RERE: variants seen among roughly 807,000 people sequenced by gnomAD.
RERE encodes the protein arginine-glutamic acid dipeptide repeats.
RERE carries 40 observed loss-of-function variants against 146.1 expected under a neutral mutation model. The observed-to-expected ratio is 0.27, with a 90% CI of 0.21 to 0.36. The LOEUF is 0.36. Among genes scored for constraint, RERE ranks in the 10% least tolerant of loss-of-function variants. RERE has a pLI of 1.00. For synonymous variants in RERE, 1,003 were observed against 866.0 expected, an observed-to-expected ratio of 1.16 and a Z score of -2.78; for missense variants, 1,933 against 2,138.7, an observed-to-expected ratio of 0.90 and a Z score of 1.90.
intron 1 of RERE, among the ~76,000 whole-genome samples, chr1:8,751,777 T>A (rs1375221142): frequency 1.3e-4 from 18 of 141,454 alleles, no homozygotes; most frequent in African/African-American, 3.6e-4. Context: ...CCTTTCACTT[T>A]AAAAAAAAAA....
At chr1:8,663,184 T>C (rs1638494327) in intron 1 of RERE, among the ~76,000 whole-genome samples, 1 of 152,038 alleles carries the variant, frequency 6.6e-6, no homozygotes. Context: ...TAAAAATATT[T>C]CCTCTTGGGT....
At chr1:8,549,324 T>C (rs898730473) in intron 6 of RERE, among the ~76,000 whole-genome samples, 7 of 152,144 alleles carry the variant, frequency 4.6e-5, no homozygotes, top group Admixed American at 3.9e-4. Context: ...AGTTTGCTGA[T>C]AAAGTGCAGG....
At chr1:8,623,794 A>G (rs535191954) in intron 3 of RERE, among the ~76,000 whole-genome samples, 1 of 152,226 alleles carries the variant, frequency 6.6e-6, no homozygotes, top group African/African-American at 2.4e-5. Context: ...AACTGGAAAG[A>G]AAGTATAACA....
chr1:8,694,684 G>A (rs1016161340), intron 1 of RERE, among the ~76,000 whole-genome samples: 2 of 151,888 alleles, frequency 1.3e-5, no homozygotes, highest in South Asian at 2.1e-4. Flanking sequence ...ATTTAAACCC[G>A]GGAGGCAGAG....
intron 4 of RERE, among the ~76,000 whole-genome samples, chr1:8,595,686 G>C (rs1470591391): frequency 2.0e-5 from 3 of 152,038 alleles, no homozygotes; most frequent in Non-Finnish European, 4.4e-5. Context: ...AATCCTTAAA[G>C]ATCATTAGTA....
chr1:8,546,572 G>T (rs892117180), intron 6 of RERE, among the ~76,000 whole-genome samples: 55 of 152,110 alleles, frequency 3.6e-4, no homozygotes, highest in African/African-American at 1.2e-3. Flanking sequence ...TGTAGGCCAG[G>T]TGTGGTGGCT....
At chr1:8,501,535 G>A (rs1161744839) in intron 8 of RERE, among the ~76,000 whole-genome samples, 3 of 115,322 alleles carry the variant, frequency 2.6e-5, no homozygotes, top group East Asian at 2.8e-4. Flanking sequence ...TCCGGGAGGT[G>A]AGGGGCGCCT....
chr1:8,620,829 T>C (rs1646907713), intron 3 of RERE, among the ~76,000 whole-genome samples: 1 of 151,892 alleles, frequency 6.6e-6, no homozygotes, highest in African/African-American at 2.4e-5. Context: ...ATAAATACTT[T>C]GGTCAGCGCA....
chr1:8,498,231 C>A (rs765692485), intron 8 of RERE, among the ~76,000 whole-genome samples: 1 of 151,692 alleles, frequency 6.6e-6, no homozygotes, highest in African/African-American at 2.4e-5. Context: ...CGGTGGCGGG[C>A]GCCTATAATT....
chr1:8,703,705 T>C (rs760743475), intron 1 of RERE, among the ~76,000 whole-genome samples: 2 of 152,212 alleles, frequency 1.3e-5, no homozygotes, highest in Non-Finnish European at 2.9e-5. Context: ...CGCATCCCTG[T>C]GAGTGATCAG....
chr1:8,545,192 C>T (rs554652590), intron 6 of RERE, among the ~76,000 whole-genome samples: 8 of 152,302 alleles, frequency 5.3e-5, no homozygotes, highest in African/African-American at 1.9e-4. Flanking sequence ...CTTGTATACT[C>T]TGTATCTAAA....
At chr1:8,803,446 G>A (rs1354566976) in intron 1 of RERE, among the ~76,000 whole-genome samples, 1 of 151,994 alleles carries the variant, frequency 6.6e-6, no homozygotes, top group East Asian at 1.9e-4. Context: ...CTCCAGCCTG[G>A]GGACAGAGTG....
At chr1:8,431,070 T>TA (rs969347388) in intron 11 of RERE, among the ~76,000 whole-genome samples, 1 of 152,186 alleles carries the variant, frequency 6.6e-6, no homozygotes, top group African/African-American at 2.4e-5. Flanking sequence ...TTATTACCCT[T>TA]ACGTTACTAC....
At chr1:8,424,314 G>C (rs1196453219) in intron 11 of RERE, 1 of 152,310 alleles carries the variant, frequency 6.6e-6, no homozygotes, top group African/African-American at 2.4e-5. Flanking sequence ...CTGCCCACCG[G>C]GCAGAGGGTC....
intron 1 of RERE, among the ~76,000 whole-genome samples, chr1:8,697,039 G>C (rs1639347362): frequency 6.6e-6 from 1 of 151,842 alleles, no homozygotes. Flanking sequence ...ACACACTTAA[G>C]AGTAAATACT....
At chr1:8,534,816 C>G (rs954810942) in intron 7 of RERE, among the ~76,000 whole-genome samples, 2 of 152,216 alleles carry the variant, frequency 1.3e-5, no homozygotes, top group African/African-American at 4.8e-5. Context: ...CGTCCAGCAA[C>G]TGGTCAAAGT....
chr1:8,363,328 G>A (rs771473072), intron 15 of RERE, among the ~76,000 whole-genome samples: 3 of 152,336 alleles, frequency 2.0e-5, no homozygotes, highest in Non-Finnish European at 1.5e-5. Flanking sequence ...TCCCCAAGCC[G>A]CCAAGCGCTT....
Position 8,364,887 on chromosome 1 carries a change from C to T in RERE, c.1448-49G>A, listed in dbSNP as rs1302084812. 1 of 1,116,084 alleles carries T rather than the reference C, an allele frequency of 9.0e-7. No individual in the cohort carries two copies. The highest frequency in any genetic ancestry group is 1.9e-5 in the Admixed American group (1 of 53,190). The allele number at this position is 1,116,084 out of a possible 1,614,324, so 69.1% of individuals were successfully genotyped here. A position where few individuals can be genotyped will look rare whatever the true frequency, so the allele number is the denominator to read the frequency against. ...GGGGTGGGGGAGACACCATCATGCT[C>T]AGCCAAGGCTGGGCCGGTGGGGTGG... is the stretch of plus-strand genomic sequence containing the variant. On this transcript the variant is annotated intron_variant, in intron 13 of 22. Transcript: ENST00000400908. This position sits in a 1 kb window ranked among gnomAD's most constrained non-coding sequence, Gnocchi z 5.1.
intron 1 of RERE, among the ~76,000 whole-genome samples, chr1:8,727,978 A>G (rs1006337678): frequency 6.6e-6 from 1 of 152,214 alleles, no homozygotes; most frequent in African/African-American, 2.4e-5. Flanking sequence ...TGTCTAGCAA[A>G]ACCCAAGTTC....
Sources: allele counts gnomAD v4.1 joint callset (sites outside exome capture counted in the v4.1 genomes callset), GRCh38; gene constraint gnomAD v4.1.1; non-coding constraint Gnocchi (gnomAD v3.1); transcripts MANE v1.5; gene names NCBI Gene and HGNC (gene_info 2026-07-23, HGNC 2026-07-21).